POLN: variants seen among roughly 807,000 people sequenced by gnomAD.
The protein encoded by POLN is DNA polymerase nu, also known as DNA polymerase N.
Under a neutral mutation model 113.5 loss-of-function variants are expected in POLN, and 108 were observed. That is an observed-to-expected ratio of 0.95 (90% CI 0.81 to 1.12). The LOEUF is 1.12. Ranked by LOEUF, POLN falls within the 50% of genes most tolerant of loss-of-function variation. The probability of loss-of-function intolerance (pLI) is 0.00; values close to 1 mark genes in which losing one functional copy is unlikely to be tolerated. For synonymous variants in POLN, 386 were observed against 391.5 expected (o/e 0.99, Z 0.17); for missense variants, 1,097 against 1,077.1 (o/e 1.02, Z -0.26).
chr4:2,155,989 C>T (rs1732413267), intron 16 of POLN, among the ~76,000 whole-genome samples: 1 of 152,092 alleles, frequency 6.6e-6, no homozygotes, highest in African/African-American at 2.4e-5. Context: ...CACCCGCCAC[C>T]ACGCCCAGCT....
intron 19 of POLN, among the ~76,000 whole-genome samples, chr4:2,114,732 C>G (rs1487341483): frequency 2.6e-5 from 4 of 152,156 alleles, no homozygotes; most frequent in Non-Finnish European, 5.9e-5. Flanking sequence ...TTGCATTTAA[C>G]CCATTTGGGA....
chr4:2,129,264 GT>G lies in POLN; in HGVS notation c.1790-9del. 6.4e-7 allele frequency: 1 copy of G among 1,559,970 alleles called. No individual in the cohort carries two copies. Among genetic ancestry groups the G allele is most frequent in the African/African-American group, 1.4e-5 (1 of 73,714 alleles). Reference sequence around the variant, plus strand: ...GAATCTTGTCTTCTTTACCTGAATTGTTATTTCAAGAGCATTTAGTGAATTT... The same window carrying G: ...GAATCTTGTCTTCTTTACCTGAATTGTATTTCAAGAGCATTTAGTGAATTT... On this transcript the variant is annotated splice_polypyrimidine_tract_variant and intron_variant, in intron 17 of 25. Coordinates refer to ENST00000511885, the MANE Select transcript of POLN (RefSeq NM_181808.4).
rs10012496 is a variant in POLN, at chr4:2,167,805, A to G, written c.1554+2874T>C. Among the ~76,000 whole-genome samples, 211 of 152,256 alleles carry G rather than the reference A, an allele frequency of 1.4e-3. 1 individual carries two copies. The highest frequency in any genetic ancestry group is 4.5e-3 in the African/African-American group (186 of 41,550). Reference sequence around the variant, plus strand: ...TCCCAGCTACTCAGGAGGCTGAGGCAGGAGAATCGCTTGAACCTGGAAGGG... The same window carrying G: ...TCCCAGCTACTCAGGAGGCTGAGGCGGGAGAATCGCTTGAACCTGGAAGGG... On this transcript the variant is annotated intron_variant, in intron 13 of 25. Coordinates refer to ENST00000511885, the MANE Select transcript of POLN (RefSeq NM_181808.4).
intron 19 of POLN, among the ~76,000 whole-genome samples, chr4:2,123,921 T>C (rs970339453): frequency 2.0e-5 from 3 of 152,124 alleles, no homozygotes; most frequent in Non-Finnish European, 4.4e-5. Flanking sequence ...CAAAGGACAT[T>C]TGATGAATAG....
chr4:2,111,268 C>A (rs1243523808), intron 19 of POLN, among the ~76,000 whole-genome samples: 1 of 152,066 alleles, frequency 6.6e-6, no homozygotes, highest in Non-Finnish European at 1.5e-5. Flanking sequence ...CTATGACAAA[C>A]CCACAGCCAA....
intron 3 of POLN, among the ~76,000 whole-genome samples, chr4:2,219,190 C>T (rs1734192305): frequency 6.6e-6 from 1 of 152,156 alleles, no homozygotes; most frequent in Non-Finnish European, 1.5e-5. Context: ...ATAGTGTAAT[C>T]TGGGCCAAGG....
chr4:2,081,216 C>T, intron 22 of POLN, 180 bp from the exon 23 acceptor site: 1 of 1,548,876 alleles, frequency 6.5e-7, no homozygotes, highest in East Asian at 2.4e-5. Context: ...CTCCTCCCGC[C>T]CTCTTGCTCC....
rs191699673 is a variant in POLN at position 2,232,269 on chromosome 4, C to T, written c.-12-3026G>A. On this transcript the variant is annotated intron_variant, in intron 2 of 25. Transcript: ENST00000511885. ...GACTTTAAAGGACTTAATAACTTCC[C>T]GCAATTTTAGCAATAAATAAACCTC... The T allele has an allele frequency of 1.9e-3, 994 of 513,728 alleles. 16 individuals carry two copies. In the South Asian group the frequency reaches 0.022, roughly 11 times the overall value. The allele number at this position is 513,728 out of a possible 1,614,324, so 31.8% of individuals were successfully genotyped here. A position where few individuals can be genotyped will look rare whatever the true frequency, so the allele number is the denominator to read the frequency against.
chr4:2,195,125 T>A (rs1462512771), intron 6 of POLN, among the ~76,000 whole-genome samples: 1 of 152,144 alleles, frequency 6.6e-6, no homozygotes, highest in Non-Finnish European at 1.5e-5. Flanking sequence ...CAAAAAAGTA[T>A]GTGTGCTAAT....
At chr4:2,081,938 C>A (rs1730431701) in intron 21 of POLN, among the ~76,000 whole-genome samples, 195 bp from the exon 22 acceptor site, 2 of 148,400 alleles carry the variant, frequency 1.3e-5, no homozygotes, top group South Asian at 4.2e-4. Flanking sequence ...CTGAGCTGGG[C>A]ACTCTGCACT....
chr4:2,117,574 G>C (rs989121014), intron 19 of POLN, among the ~76,000 whole-genome samples: 1 of 152,154 alleles, frequency 6.6e-6, no homozygotes, highest in Non-Finnish European at 1.5e-5. Context: ...CCATAAATGT[G>C]CTATGCAATG....
chr4:2,210,256 G>A (rs1417384502), intron 4 of POLN, among the ~76,000 whole-genome samples: 2 of 151,784 alleles, frequency 1.3e-5, no homozygotes, highest in African/African-American at 4.8e-5. Context: ...ATTTCAAACT[G>A]TTGAAGATCT....
chr4:2,223,142 T>C (rs905749634), intron 3 of POLN, among the ~76,000 whole-genome samples: 6 of 152,092 alleles, frequency 3.9e-5, no homozygotes, highest in Non-Finnish European at 8.8e-5. Flanking sequence ...GGGGGTTGGG[T>C]TGGCACAGAT....
chr4:2,181,456 GA>G (rs66981167), intron 7 of POLN, among the ~76,000 whole-genome samples: 36,925 of 151,290 alleles, frequency 0.24, 6,872 homozygotes, highest in African/African-American at 0.51. Flanking sequence ...AAAAAAGACA[GA>G]ATATTTTTTT....
At chr4:2,218,083 T>C (rs1273948797) in intron 3 of POLN, among the ~76,000 whole-genome samples, 1 of 152,014 alleles carries the variant, frequency 6.6e-6, no homozygotes, top group Non-Finnish European at 1.5e-5. Context: ...CCCCAAGAGT[T>C]TGAGGCCAGC....
chr4:2,080,489 GGC>G (rs1730382047), intron 23 of POLN: 1 of 1,156,120 alleles, frequency 8.6e-7, no homozygotes, highest in Admixed American at 4.4e-5. Context: ...GGCAGAGCTG[GGC>G]GTGGGGCACA....
chr4:2,201,832 A>G (rs1325578089), intron 5 of POLN, among the ~76,000 whole-genome samples: 3 of 152,228 alleles, frequency 2.0e-5, no homozygotes, highest in Non-Finnish European at 4.4e-5. Context: ...AGGAAAACCT[A>G]TCAGATTAAC....
At chr4:2,237,904 G>A (rs1734823161) in intron 2 of POLN, among the ~76,000 whole-genome samples, 1 of 152,120 alleles carries the variant, frequency 6.6e-6, no homozygotes, top group East Asian at 1.9e-4. Context: ...TCTTATAGAT[G>A]TAACTACACA....
intron 2 of POLN, 25 bp downstream of exon 2, chr4:2,241,495 T>C: frequency 6.1e-6 from 6 of 985,774 alleles, no homozygotes; most frequent in Non-Finnish European, 7.2e-6. Context: ...ATGGCACATC[T>C]TCTGAAGATC....
Sources: allele counts gnomAD v4.1 joint callset (sites outside exome capture counted in the v4.1 genomes callset), GRCh38; gene constraint gnomAD v4.1.1; transcripts MANE v1.5; gene names NCBI Gene and HGNC (gene_info 2026-07-23, HGNC 2026-07-21).